The following CHD7 variants were observed in gnomAD, a reference collection of about 807,000 sequenced individuals.
CHD7 encodes ATP-dependent chromatin remodeler CHD7.
Under a neutral mutation model 307.3 loss-of-function variants are expected in CHD7, and 24 were observed. The observed-to-expected ratio is 0.08, with a 90% CI of 0.06 to 0.11. CHD7 has a LOEUF of 0.11. CHD7 is among the 10% of genes least tolerant of loss of function. The pLI, the probability that CHD7 is intolerant of heterozygous loss-of-function variation, is 1.00. For synonymous variants in CHD7, 1,363 were observed against 1,349.9 expected (o/e 1.01, Z -0.21); for missense variants, 3,106 against 3,727.1 (o/e 0.83, Z 4.34).
chr8:60,861,352 T>C (rs937888316), intron 35 of CHD7: 19 of 473,918 alleles, frequency 4.0e-5, no homozygotes, highest in Non-Finnish European at 6.7e-5. Flanking sequence ...ATGCGCGTTA[T>C]GCATTTCCTT....
chr8:60,854,547 G>A (rs775395187), intron 32 of CHD7, 24 bp downstream of exon 32: 1 of 1,567,514 alleles, frequency 6.4e-7, no homozygotes. Context: ...TGTTGCTGTT[G>A]TTTTGCTGAC....
Position 60,800,334 on chromosome 8 carries a change from AT to A in CHD7, c.2239-49del, listed in dbSNP as rs1472648474. On this transcript the variant is annotated intron_variant, in intron 4 of 37. Coordinates refer to ENST00000423902, the MANE Select transcript of CHD7 (RefSeq NM_017780.4). ...GGCGTGAGCCACTGCGCTCGGCCACATTTTTCTTTTTAATCATTAATTTCAA... is the reference window on the plus strand; with the variant it reads ...GGCGTGAGCCACTGCGCTCGGCCACATTTTCTTTTTAATCATTAATTTCAA... 34 of 1,582,506 alleles carry A rather than the reference AT, an allele frequency of 2.1e-5. No individual in the cohort carries two copies. In the Middle Eastern group the frequency reaches 1.2e-3, roughly 57 times the overall value.
At chr8:60,833,559 C>A (rs774303531) in intron 15 of CHD7, among the ~76,000 whole-genome samples, 1 of 151,996 alleles carries the variant, frequency 6.6e-6, no homozygotes, top group African/African-American at 2.4e-5. Context: ...CTTGTTTGTT[C>A]GTGGCTTTTA....
Position 60,848,657 on chromosome 8 carries a change from C to G in CHD7, c.5300+53C>G, listed in dbSNP as rs534260652. The stretch of plus-strand genomic sequence containing the variant: ...ACCTCAGTGAGATAATCTGGGTAGC[C>G]GGAAAACATCATGGATTGTGTTTCA... On this transcript the variant is annotated intron_variant, in intron 24 of 37. Transcript: ENST00000423902. 31 of 1,358,572 alleles carry G rather than the reference C, an allele frequency of 2.3e-5. No individual in the cohort carries two copies. In the African/African-American group the frequency reaches 3.6e-4, roughly 16 times the overall value. The allele number at this position is 1,358,572 out of a possible 1,614,324, so 84.2% of individuals were successfully genotyped here.
intron 7 of CHD7, among the ~76,000 whole-genome samples, chr8:60,809,099 C>T (rs375942796): frequency 1.1e-4 from 17 of 152,172 alleles, no homozygotes; most frequent in Admixed American, 9.2e-4. Context: ...AAATTTACCC[C>T]ACCCTAGAAA....
intron 7 of CHD7, among the ~76,000 whole-genome samples, chr8:60,810,663 A>G (rs533909819): frequency 6.6e-6 from 1 of 152,242 alleles, no homozygotes; most frequent in African/African-American, 2.4e-5. Context: ...CAGAGTTACT[A>G]GCCCATATTT....
In CHD7 at chr8:60,828,913, C is replaced by T. The variant is rs1485460940; in HGVS notation, c.3522+107C>T. 3 of 974,396 alleles carry T rather than the reference C, an allele frequency of 3.1e-6. No homozygotes were observed. In the African/African-American group the frequency reaches 4.9e-5, roughly 16 times the overall value. The allele number at this position is 974,396 out of a possible 1,614,324, so 60.4% of individuals were successfully genotyped here. ...AGTGTGATTATATTACAGTTTTTCC[C>T]ACCTAGTACACAGAACCTTAGATAC... On this transcript the variant is annotated intron_variant, in intron 14 of 37. Coordinates refer to ENST00000423902, the MANE Select transcript of CHD7 (RefSeq NM_017780.4).
chr8:60,739,875 A>G (rs1457019048), intron 1 of CHD7, among the ~76,000 whole-genome samples: 2 of 152,146 alleles, frequency 1.3e-5, no homozygotes, highest in African/African-American at 2.4e-5. Flanking sequence ...GCCTGTTTTT[A>G]TCATCACTTT....
chr8:60,764,211 A>G (rs924252340), intron 2 of CHD7, among the ~76,000 whole-genome samples: 28 of 151,974 alleles, frequency 1.8e-4, no homozygotes, highest in African/African-American at 6.8e-4. Context: ...GGGTGGTCTC[A>G]ATCTCCTGAC....
chr8:60,726,430 T>G (rs1808161000), intron 1 of CHD7, among the ~76,000 whole-genome samples: 2 of 152,236 alleles, frequency 1.3e-5, no homozygotes, highest in Admixed American at 6.5e-5. Context: ...TTTAAAATTT[T>G]CATAAAATAT....
intron 13 of CHD7, chr8:60,825,215 G>A (rs1337577650): frequency 1.3e-5 from 2 of 152,164 alleles, no homozygotes; most frequent in Non-Finnish European, 2.9e-5. Flanking sequence ...AAAGCTTTTT[G>A]TTGCAGCTGA....
intron 14 of CHD7, 51 bp downstream of exon 14, chr8:60,828,857 CA>C: frequency 1.3e-6 from 2 of 1,503,074 alleles, no homozygotes; most frequent in Non-Finnish European, 9.2e-7. Context: ...AAGATTAGCC[CA>C]TGAAATGGCA....
chr8:60,775,828 G>T (rs1040057729), intron 2 of CHD7, among the ~76,000 whole-genome samples: 3 of 152,192 alleles, frequency 2.0e-5, no homozygotes, highest in Non-Finnish European at 4.4e-5. Context: ...CGTGATCTCG[G>T]CTCACCGCAA....
rs865818198 is a variant in CHD7 at position 60,781,213 on chromosome 8, C to A, written c.1879C>A (p.Gln627Lys). ...KDDFPGGVDN[Q>K]ELNRNSLDGS... The stretch of plus-strand genomic sequence containing the variant: ...TGACTTCCCTGGTGGGGTAGATAAC[C>A]AAGAACTAAATAGGAACTCACTGGA... Residue 627 changes from glutamine (Q) to lysine (K), a missense_variant, in exon 3 of 38, where the codon CAA becomes AAA. By Grantham distance (53) the Gln-to-Lys change is moderately conservative. Transcript: ENST00000423902. The A allele has an allele frequency of 1.3e-6, 2 of 1,595,034 alleles. No homozygotes were observed. The highest frequency in any genetic ancestry group is 1.3e-5 in the African/African-American group (1 of 74,370).
chr8:60,689,043 C>G (rs556263848), intron 1 of CHD7, among the ~76,000 whole-genome samples: 2 of 152,256 alleles, frequency 1.3e-5, no homozygotes, highest in East Asian at 3.9e-4. Context: ...AGGGAAGGCT[C>G]TGGGGTAGCC....
At chr8:60,859,232 C>G in intron 34 of CHD7, among the ~76,000 whole-genome samples, 1 of 152,038 alleles carries the variant, frequency 6.6e-6, no homozygotes, top group East Asian at 1.9e-4. Context: ...AAGGAAAGCA[C>G]TGCTCGATCT....
intron 2 of CHD7, among the ~76,000 whole-genome samples, chr8:60,745,699 GGC>G (rs1226917455): frequency 1.3e-5 from 2 of 152,116 alleles, no homozygotes; most frequent in African/African-American, 4.8e-5. Context: ...TTGAACATAA[GGC>G]TAGGGAGGTG....
At chr8:60,708,435 C>T (rs901334635) in intron 1 of CHD7, among the ~76,000 whole-genome samples, 2 of 152,198 alleles carry the variant, frequency 1.3e-5, no homozygotes, top group Admixed American at 6.5e-5. Context: ...TTCTGGACTC[C>T]TGCAGAGACT....
intron 1 of CHD7, among the ~76,000 whole-genome samples, chr8:60,724,170 C>T (rs1435218303): frequency 1.3e-5 from 2 of 152,218 alleles, no homozygotes; most frequent in African/African-American, 4.8e-5. Context: ...GTTTGCTCCA[C>T]AGCCTTCCTG....
Sources: gnomAD v4.1 joint callset for allele counts (sites outside exome capture counted in the v4.1 genomes callset) on GRCh38, gnomAD v4.1.1 for gene constraint, MANE v1.5 for transcripts, NCBI Gene and HGNC (gene_info 2026-07-23, HGNC 2026-07-21) for gene names.